ZNF93: variants seen among roughly 807,000 people sequenced by gnomAD.
ZNF93 encodes the protein zinc finger protein 505.
A neutral mutation model predicts 45.0 loss-of-function variants in ZNF93; 29 were observed. The observed-to-expected ratio is 0.64, with a 90% CI of 0.48 to 0.88. The LOEUF (loss-of-function observed/expected upper bound fraction) is 0.88, where lower values mean the gene tolerates loss of function less well. Among genes scored for constraint, ZNF93 ranks in the 40% least tolerant of loss-of-function variants. The pLI is 0.00. For missense variants in ZNF93, 578 were observed against 724.0 expected, an observed-to-expected ratio of 0.80 and a Z score of 2.31; for synonymous variants, 223 against 244.6, an observed-to-expected ratio of 0.91 and a Z score of 0.82.
At position 19,933,525 on chromosome 19, in the gene ZNF93, A is replaced by G. The variant is rs754642799; in HGVS notation, c.570A>G (p.Thr190=). 1.4e-5 allele frequency: 22 copies of G among 1,606,880 alleles called. No homozygotes were observed. The South Asian group carries it at 2.3e-4, about 17-fold the overall frequency. Residue 190 remains threonine (T), a synonymous_variant, in exon 4 of 4, where the codon ACA becomes ACG. Transcript: ENST00000343769. ...KAFNQFSTLI[T]HKKIHTGEKP... Reference sequence around the variant, plus strand: ...TTAACCAGTTCTCAACCCTTATAACACATAAGAAAATTCATACTGGAGAGA... The same window carrying G: ...TTAACCAGTTCTCAACCCTTATAACGCATAAGAAAATTCATACTGGAGAGA...
intron 1 of ZNF93, among the ~76,000 whole-genome samples, chr19:19,911,820 G>A (rs2063309407): frequency 6.6e-6 from 1 of 151,860 alleles, no homozygotes; most frequent in Non-Finnish European, 1.5e-5. Flanking sequence ...CACGATCTCG[G>A]CTCACTGTAA....
At chr19:19,917,850 A>G (rs535245462) in intron 3 of ZNF93, among the ~76,000 whole-genome samples, 2 of 152,232 alleles carry the variant, frequency 1.3e-5, no homozygotes, top group South Asian at 4.2e-4. Context: ...TGGTTTTTAA[A>G]ATATGAGATT....
chr19:19,929,912 T>C (rs2063367798), intron 3 of ZNF93, among the ~76,000 whole-genome samples: 1 of 114,286 alleles, frequency 8.7e-6, no homozygotes, highest in African/African-American at 3.6e-5. Context: ...CACTCCAGCC[T>C]GGGCAACAGA....
chr19:19,921,381 A>G (rs1306259069), intron 3 of ZNF93, among the ~76,000 whole-genome samples: 1 of 152,212 alleles, frequency 6.6e-6, no homozygotes, highest in Non-Finnish European at 1.5e-5. Flanking sequence ...CAATTTTGGA[A>G]TAAGTGCAGT....
At chr19:19,922,092 T>C (rs1053408188) in intron 3 of ZNF93, among the ~76,000 whole-genome samples, 3 of 152,360 alleles carry the variant, frequency 2.0e-5, no homozygotes, top group Admixed American at 6.5e-5. Flanking sequence ...CAGTTGTTCC[T>C]TTCCATGTTT....
intron 3 of ZNF93, among the ~76,000 whole-genome samples, chr19:19,918,986 T>C (rs959004857): frequency 2.0e-5 from 3 of 152,220 alleles, no homozygotes; most frequent in African/African-American, 7.2e-5. Context: ...ATTTTGGCTT[T>C]TGTTGCCATT....
chr19:19,927,340 A>C (rs1268410005), intron 3 of ZNF93: 2 of 397,040 alleles, frequency 5.0e-6, no homozygotes, highest in African/African-American at 4.1e-5. Context: ...CTTGGGTGAC[A>C]GAGTGAGACC....
intron 3 of ZNF93, among the ~76,000 whole-genome samples, chr19:19,931,719 G>A (rs911759921): frequency 1.4e-4 from 21 of 151,972 alleles, no homozygotes; most frequent in African/African-American, 4.8e-4. Flanking sequence ...CACTAATATT[G>A]TTATTGTTTT....
chr19:19,930,140 A>G (rs2063369093), intron 3 of ZNF93, among the ~76,000 whole-genome samples: 1 of 152,026 alleles, frequency 6.6e-6, no homozygotes, highest in African/African-American at 2.4e-5. Flanking sequence ...AATGATAGGT[A>G]AGGTCACGTG....
chr19:19,921,305 G>C (rs2122182464), intron 3 of ZNF93, among the ~76,000 whole-genome samples: 1 of 152,304 alleles, frequency 6.6e-6, no homozygotes, highest in Admixed American at 6.5e-5. Flanking sequence ...TGGTCTGAGA[G>C]GCAGTTTGTT....
intron 1 of ZNF93, among the ~76,000 whole-genome samples, chr19:19,906,928 C>T (rs547807634): frequency 2.7e-5 from 4 of 148,716 alleles, no homozygotes; most frequent in South Asian, 2.2e-4. Flanking sequence ...CTTTTTCCCC[C>T]ATAAAGATTC....
chr19:19,906,914 TCTG>T (rs1229614267), intron 1 of ZNF93, among the ~76,000 whole-genome samples: 1 of 149,952 alleles, frequency 6.7e-6, no homozygotes, highest in Non-Finnish European at 1.5e-5. Context: ...CTTTTTCTCT[TCTG>T]CTTTTTCCCC....
intron 1 of ZNF93, among the ~76,000 whole-genome samples, chr19:19,904,801 AAACTT>A (rs1463270436): frequency 6.6e-6 from 1 of 152,126 alleles, no homozygotes; most frequent in East Asian, 1.9e-4. Context: ...AGATGACTGA[AAACTT>A]AGAGAAAATG....
chr19:19,929,742 TC>T (rs1483303931), intron 3 of ZNF93, among the ~76,000 whole-genome samples: 1 of 150,820 alleles, frequency 6.6e-6, no homozygotes, highest in Admixed American at 6.6e-5. Context: ...ATCGAGACCA[TC>T]CCGGCTAAAA....
intron 3 of ZNF93, among the ~76,000 whole-genome samples, chr19:19,917,127 T>TAA (rs1186167761): frequency 1.3e-5 from 2 of 152,212 alleles, no homozygotes; most frequent in East Asian, 3.8e-4. Flanking sequence ...AGTTTTTAAG[T>TAA]ATAGTTTGCA....
In ZNF93 at chr19:19,935,091, C is replaced by T. The variant is rs1024606930; in HGVS notation, c.*273C>T. 2.4e-6 allele frequency: 1 copy of T among 414,704 alleles called. No individual in the cohort carries two copies. The allele number at this position is 414,704 out of a possible 1,614,324, so 25.7% of individuals were successfully genotyped here. On this transcript the variant is annotated 3_prime_UTR_variant, in exon 4 of 4. Coordinates refer to ENST00000343769, the MANE Select transcript of ZNF93 (RefSeq NM_031218.4). The stretch of plus-strand genomic sequence containing the variant: ...AGGTCAGTTCTGCCTATATAGAAAC[C>T]CACACAGTTAACCTGAGGAAATGCT...
intron 3 of ZNF93, among the ~76,000 whole-genome samples, chr19:19,924,524 T>C (rs1055411824): frequency 3.9e-5 from 6 of 152,210 alleles, no homozygotes; most frequent in Admixed American, 1.3e-4. Flanking sequence ...CCTCTTCAAG[T>C]TTTCATAAAC....
Position 19,916,588 on chromosome 19 carries a change from C to A in ZNF93, c.159C>A (p.Ile53=). 6.2e-7 allele frequency: 1 copy of A among 1,612,018 alleles called. No individual in the cohort carries two copies. Among genetic ancestry groups the A allele is most frequent in the Non-Finnish European group, 8.5e-7 (1 of 1,179,166 alleles). The change falls in exon 3 of 4, where the codon ATC becomes ATA. Residue 53 remains isoleucine (I), a synonymous_variant. Coordinates refer to ENST00000343769, the MANE Select transcript of ZNF93 (RefSeq NM_031218.4). ...TTGTTGTCTCTAAGCCAGACCTGATCGCCCATCTGGAGCAAGGAAAAAAAC... is the reference window on the plus strand; with the variant it reads ...TTGTTGTCTCTAAGCCAGACCTGATAGCCCATCTGGAGCAAGGAAAAAAAC... ...LGIVVSKPDL[I]AHLEQGKKPL...
intron 1 of ZNF93, among the ~76,000 whole-genome samples, chr19:19,911,038 A>T (rs1221428958): frequency 1.3e-5 from 2 of 152,222 alleles, no homozygotes; most frequent in East Asian, 3.8e-4. Context: ...TAAGCATCTT[A>T]GGAGTGAGAG....
Sources: gnomAD v4.1 joint callset for allele counts (sites outside exome capture counted in the v4.1 genomes callset) on GRCh38, gnomAD v4.1.1 for gene constraint, MANE v1.5 for transcripts, NCBI Gene and HGNC (gene_info 2026-07-23, HGNC 2026-07-21) for gene names.